The following GPM6A variants were observed in gnomAD, a reference collection of about 807,000 sequenced individuals.
GPM6A encodes neuronal membrane glycoprotein M6-a.
In GPM6A, 7 loss-of-function variants were observed where a neutral mutation model predicts 32.1. The observed-to-expected ratio is 0.22, with a 90% CI of 0.12 to 0.41. The LOEUF is 0.41. GPM6A is among the 10% of genes least tolerant of loss of function. The probability of loss-of-function intolerance (pLI) is 1.00; values close to 1 mark genes in which losing one functional copy is unlikely to be tolerated. For synonymous variants in GPM6A, 130 were observed against 123.4 expected, an observed-to-expected ratio of 1.05 and a Z score of -0.35; for missense variants, 235 against 347.2, an observed-to-expected ratio of 0.68 and a Z score of 2.57.
chr4:175,878,057 T>G (rs1010063766), intron 1 of GPM6A, among the ~76,000 whole-genome samples: 1 of 152,210 alleles, frequency 6.6e-6, no homozygotes, highest in African/African-American at 2.4e-5. Context: ...ATGATCTCCT[T>G]TGACTCCATG....
chr4:175,824,640 G>A (rs1033506788), intron 1 of GPM6A, among the ~76,000 whole-genome samples: 1 of 152,140 alleles, frequency 6.6e-6, no homozygotes, highest in Non-Finnish European at 1.5e-5. Flanking sequence ...TTCATAAAGT[G>A]AGACTGACGT....
intron 1 of GPM6A, among the ~76,000 whole-genome samples, chr4:175,959,771 A>G (rs1048545243): frequency 2.0e-5 from 3 of 152,228 alleles, no homozygotes; most frequent in African/African-American, 7.2e-5. Context: ...TTTAGAGGTA[A>G]TATAGAAATG....
intron 1 of GPM6A, among the ~76,000 whole-genome samples, chr4:175,869,168 G>A (rs1420339428): frequency 4.6e-5 from 7 of 152,080 alleles, no homozygotes; most frequent in East Asian, 1.9e-4. Context: ...CAAAAATCTC[G>A]CTATTCAAAC....
intron 1 of GPM6A, among the ~76,000 whole-genome samples, chr4:175,749,753 A>G (rs921388074): frequency 2.0e-5 from 3 of 152,190 alleles, no homozygotes; most frequent in African/African-American, 7.2e-5. Flanking sequence ...TTTTATATTT[A>G]CATAAAATGT....
chr4:175,825,252 T>C (rs896362463), intron 1 of GPM6A, among the ~76,000 whole-genome samples: 4 of 152,202 alleles, frequency 2.6e-5, no homozygotes, highest in African/African-American at 7.2e-5. Flanking sequence ...TGGGGTGCAG[T>C]AATCTTAACA....
intron 1 of GPM6A, among the ~76,000 whole-genome samples, chr4:175,883,068 A>G (rs920826999): frequency 6.6e-6 from 1 of 152,142 alleles, no homozygotes; most frequent in Non-Finnish European, 1.5e-5. Context: ...AGTAGCTCAC[A>G]TGGCTGAAAT....
At chr4:175,921,600 T>C (rs1738671351) in intron 1 of GPM6A, among the ~76,000 whole-genome samples, 1 of 152,188 alleles carries the variant, frequency 6.6e-6, no homozygotes, top group Non-Finnish European at 1.5e-5. Context: ...AAATAATTCC[T>C]AGGAAAAAAT....
At chr4:175,999,389 T>A (rs779314456) in intron 1 of GPM6A, among the ~76,000 whole-genome samples, 7 of 152,188 alleles carry the variant, frequency 4.6e-5, no homozygotes, top group Non-Finnish European at 1.0e-4. Flanking sequence ...TTTTGTTGCA[T>A]CCTTTCTGCA....
chr4:175,845,437 G>C (rs997357393), intron 1 of GPM6A, among the ~76,000 whole-genome samples: 1 of 152,006 alleles, frequency 6.6e-6, no homozygotes, highest in African/African-American at 2.4e-5. Context: ...TCACATTCTT[G>C]AGTAAAGGAT....
intron 2 of GPM6A, among the ~76,000 whole-genome samples, chr4:175,688,620 T>TTAAGTA (rs200550285): frequency 0.047 from 7,163 of 152,188 alleles, 200 homozygotes; most frequent in Non-Finnish European, 0.063. Context: ...TAAAAATAAT[T>TTAAGTA]TATTTCAAGA....
At chr4:175,844,694 G>T (rs547291428) in intron 1 of GPM6A, among the ~76,000 whole-genome samples, 1 of 152,240 alleles carries the variant, frequency 6.6e-6, no homozygotes, top group Non-Finnish European at 1.5e-5. Context: ...ATGAAAAGAA[G>T]GTTAAAGAAG....
At position 175,726,664 on chromosome 4, in the gene GPM6A, T is replaced by C. The variant is rs1746424678; in HGVS notation, c.38-24897A>G. Among the ~76,000 whole-genome samples the C allele has an allele frequency of 3.9e-5, 6 of 152,198 alleles. No individual in the cohort carries two copies. In the South Asian group the frequency reaches 1.2e-3, roughly 32 times the overall value. On this transcript the variant is annotated intron_variant, in intron 1 of 6. Coordinates refer to ENST00000393658, the MANE Select transcript of GPM6A (RefSeq NM_201591.3). ...TTCCAAAGCATTATTATAATTATAATGCAGAGAAGCTAAAAGACACAAAAA... is the reference window on the plus strand; with the variant it reads ...TTCCAAAGCATTATTATAATTATAACGCAGAGAAGCTAAAAGACACAAAAA...
At chr4:175,653,613 T>C (rs1741922970) in intron 3 of GPM6A, among the ~76,000 whole-genome samples, 1 of 152,146 alleles carries the variant, frequency 6.6e-6, no homozygotes, top group Non-Finnish European at 1.5e-5. Flanking sequence ...AAAAAGGTAT[T>C]CTTTTTTAAA....
chr4:175,908,623 A>G (rs1317546165), intron 1 of GPM6A, among the ~76,000 whole-genome samples: 3 of 152,160 alleles, frequency 2.0e-5, no homozygotes, highest in African/African-American at 7.2e-5. Context: ...CTTTATAGGA[A>G]AGTTGCCTTA....
rs376200905 is a variant in GPM6A at position 175,727,901 on chromosome 4, G to A, written c.38-26134C>T. ...TGCCTGTAGTCCCAGATGCTTGGGA[G>A]GCTGAGGCAGGAGAATTGCTGGAAC... On this transcript the variant is annotated intron_variant, in intron 1 of 6. Coordinates refer to ENST00000393658, the MANE Select transcript of GPM6A (RefSeq NM_201591.3). Among the ~76,000 whole-genome samples, 11 of 151,638 alleles carry A rather than the reference G, an allele frequency of 7.3e-5. No homozygotes were observed. The East Asian group carries it at 2.1e-3, about 30-fold the overall frequency.
chr4:175,645,831 C>T (rs1289876307), intron 4 of GPM6A, among the ~76,000 whole-genome samples: 2 of 152,168 alleles, frequency 1.3e-5, no homozygotes, highest in Admixed American at 1.3e-4. Context: ...TAACTCCCTA[C>T]TATGAAATAT....
intron 6 of GPM6A, among the ~76,000 whole-genome samples, chr4:175,637,892 T>G (rs1740903219): frequency 1.5e-5 from 2 of 129,772 alleles, no homozygotes; most frequent in Non-Finnish European, 3.1e-5. Flanking sequence ...ATATTATATA[T>G]ATATATATAC....
intron 1 of GPM6A, among the ~76,000 whole-genome samples, chr4:175,719,852 C>T (rs538171798): frequency 1.3e-5 from 2 of 152,298 alleles, no homozygotes; most frequent in East Asian, 3.9e-4. Context: ...CTCCCTCCCT[C>T]TCTTTCATTA....
chr4:175,726,139 C>G (rs943856722), intron 1 of GPM6A, among the ~76,000 whole-genome samples: 1 of 147,018 alleles, frequency 6.8e-6, no homozygotes, highest in South Asian at 2.2e-4. Context: ...ACTACAGGTG[C>G]CCACCACCAC....
Sources: allele counts gnomAD v4.1 joint callset (sites outside exome capture counted in the v4.1 genomes callset), GRCh38; gene constraint gnomAD v4.1.1; transcripts MANE v1.5; gene names NCBI Gene and HGNC (gene_info 2026-07-23, HGNC 2026-07-21).